CDK14: variants seen among roughly 807,000 people sequenced by gnomAD.
CDK14 encodes the protein cyclin dependent kinase 14.
Under a neutral mutation model 60.7 loss-of-function variants are expected in CDK14, and 34 were observed. That is an observed-to-expected ratio of 0.56 (90% CI 0.43 to 0.75). CDK14 has a LOEUF of 0.75. Ranked by LOEUF, CDK14 falls within the 30% of genes least tolerant of loss-of-function variation. The pLI is 0.00. For synonymous variants in CDK14, 197 were observed against 203.7 expected (o/e 0.97, Z 0.28); for missense variants, 482 against 564.1 (o/e 0.85, Z 1.47).
chr7:90,888,472 A>C (rs973669978), intron 6 of CDK14, among the ~76,000 whole-genome samples: 1 of 152,004 alleles, frequency 6.6e-6, no homozygotes, highest in African/African-American at 2.4e-5. Context: ...TCTATTATTC[A>C]CCCCTGTAGT....
At chr7:90,696,038 G>A (rs1801648434) in intron 2 of CDK14, among the ~76,000 whole-genome samples, 1 of 152,220 alleles carries the variant, frequency 6.6e-6, no homozygotes, top group South Asian at 2.1e-4. Context: ...GACCAGTTAG[G>A]AGGCTGTGGT....
rs1348257524 is a variant in CDK14 at position 91,178,306 on chromosome 7, G to T, written c.*29-28859G>T. Reference sequence around the variant, plus strand: ...CCTTCCTTACACCTTATACAAAAATGAATTCAAGATGGATTAAAGACTTAA... The same window carrying T: ...CCTTCCTTACACCTTATACAAAAATTAATTCAAGATGGATTAAAGACTTAA... On this transcript the variant is annotated intron_variant, in intron 14 of 14. Coordinates refer to ENST00000380050, the MANE Select transcript of CDK14 (RefSeq NM_001287135.2). 4.8e-5 allele frequency among the ~76,000 whole-genome samples: 6 copies of T among 126,092 alleles called. No homozygotes were observed. The East Asian group carries it at 6.0e-4, about 13-fold the overall frequency. 82.7% of individuals were successfully genotyped at this position (126,092 alleles called of 152,430 possible).
chr7:90,614,396 G>A (rs976163187), intron 2 of CDK14, among the ~76,000 whole-genome samples: 5 of 151,842 alleles, frequency 3.3e-5, no homozygotes, highest in African/African-American at 1.2e-4. Context: ...TTTGCTTTCA[G>A]TTTTGCAAGC....
At chr7:90,640,218 C>T (rs912586759) in intron 2 of CDK14, among the ~76,000 whole-genome samples, 1 of 152,088 alleles carries the variant, frequency 6.6e-6, no homozygotes, top group South Asian at 2.1e-4. Context: ...GCGTGGCTCA[C>T]GCTGGGAGCT....
At chr7:90,757,366 C>CA (rs34353167) in intron 4 of CDK14, among the ~76,000 whole-genome samples, 64,865 of 149,646 alleles carry the variant, frequency 0.43, 14,829 homozygotes, top group East Asian at 0.81. Flanking sequence ...TGACTCATTT[C>CA]AAAAAAAAAT....
At chr7:91,154,803 G>A (rs574152715) in intron 14 of CDK14, among the ~76,000 whole-genome samples, 1 of 152,132 alleles carries the variant, frequency 6.6e-6, no homozygotes, top group South Asian at 2.1e-4. Context: ...ATGAGAGCCT[G>A]GGTCAAATTA....
chr7:91,056,615 G>A (rs1316098738), intron 11 of CDK14, among the ~76,000 whole-genome samples: 7 of 146,934 alleles, frequency 4.8e-5, no homozygotes, highest in African/African-American at 1.8e-4. Flanking sequence ...GTGTCCATGT[G>A]TTCTCATTGT....
At chr7:91,037,431 A>G (rs1022844599) in intron 10 of CDK14, among the ~76,000 whole-genome samples, 1 of 152,126 alleles carries the variant, frequency 6.6e-6, no homozygotes, top group Non-Finnish European at 1.5e-5. Context: ...GTGCGCGCGC[A>G]TGTGTGTGTT....
At chr7:90,811,416 G>A (rs1339910011) in intron 5 of CDK14, among the ~76,000 whole-genome samples, 1 of 152,114 alleles carries the variant, frequency 6.6e-6, no homozygotes, top group Non-Finnish European at 1.5e-5. Context: ...CTAGCCATAT[G>A]CAGAAAGCTG....
intron 6 of CDK14, among the ~76,000 whole-genome samples, chr7:90,869,224 A>G (rs755875398): frequency 2.0e-5 from 3 of 152,228 alleles, no homozygotes; most frequent in South Asian, 2.1e-4. Context: ...AGATAGATGT[A>G]TGTGCATAGG....
intron 2 of CDK14, among the ~76,000 whole-genome samples, chr7:90,716,706 T>C (rs1456213360): frequency 6.6e-6 from 1 of 152,138 alleles, no homozygotes; most frequent in Admixed American, 6.6e-5. Context: ...CCGTGAACTT[T>C]TGAGATAAGT....
intron 2 of CDK14, among the ~76,000 whole-genome samples, chr7:90,624,405 G>A (rs1435395100): frequency 5.3e-5 from 8 of 152,242 alleles, no homozygotes; most frequent in East Asian, 3.9e-4. Flanking sequence ...TCAGACAAAC[G>A]CATTTTGTTC....
chr7:91,094,476 GTC>G (rs1798924454), intron 12 of CDK14, among the ~76,000 whole-genome samples: 1 of 152,134 alleles, frequency 6.6e-6, no homozygotes, highest in Non-Finnish European at 1.5e-5. Flanking sequence ...CACGGCACAC[GTC>G]TGTGCCTCAC....
At chr7:90,621,668 C>CCTGCCTTCCTGCCTTT (rs1563018796) in intron 2 of CDK14, among the ~76,000 whole-genome samples, 296 of 144,454 alleles carry the variant, frequency 2.0e-3, no homozygotes, top group Non-Finnish European at 3.6e-3. Context: ...TTCCTTCCTT[C>CCTGCCTTCCTGCCTTT]CTGCCTTCCT....
At chr7:90,755,464 TGGGGTTGCTAAGGAAG>T (rs1427215327) in intron 4 of CDK14, among the ~76,000 whole-genome samples, 2 of 152,022 alleles carry the variant, frequency 1.3e-5, no homozygotes, top group East Asian at 3.9e-4. Context: ...GACTGCTGAG[TGGGGTTGCTAAGGAAG>T]GGGGAAAAGG....
intron 12 of CDK14, among the ~76,000 whole-genome samples, chr7:91,087,139 A>G (rs1798664086): frequency 1.3e-5 from 2 of 152,230 alleles, no homozygotes; most frequent in South Asian, 4.1e-4. Flanking sequence ...ACTGTTACCC[A>G]TTCCACCTTC....
chr7:90,641,476 T>G (rs764458464), intron 2 of CDK14, among the ~76,000 whole-genome samples: 58 of 152,212 alleles, frequency 3.8e-4, no homozygotes, highest in Non-Finnish European at 2.8e-4. Context: ...TGCTGCAACA[T>G]GAGTGAACTT....
intron 14 of CDK14, among the ~76,000 whole-genome samples, chr7:91,194,638 G>A (rs1224772541): frequency 1.3e-5 from 2 of 152,092 alleles, no homozygotes; most frequent in African/African-American, 2.4e-5. Context: ...TGCTTAGGGT[G>A]CGATTTTAAT....
intron 3 of CDK14, among the ~76,000 whole-genome samples, chr7:90,732,782 A>G (rs6465284): frequency 0.47 from 70,765 of 151,914 alleles, 17,305 homozygotes; most frequent in East Asian, 0.85. Flanking sequence ...TGATCTTTCA[A>G]AAAACCAGCT....
Sources: allele counts gnomAD v4.1 joint callset (sites outside exome capture counted in the v4.1 genomes callset), GRCh38; gene constraint gnomAD v4.1.1; transcripts MANE v1.5; gene names NCBI Gene and HGNC (gene_info 2026-07-23, HGNC 2026-07-21).